The following CDK8 variants were observed in gnomAD, a reference collection of about 807,000 sequenced individuals.
CDK8 encodes the protein cyclin dependent kinase 8, also known as cyclin-dependent kinase 8.
A neutral mutation model predicts 71.5 loss-of-function variants in CDK8; 29 were observed. The ratio of observed to expected loss-of-function variants is 0.41; its 90% CI spans 0.30 to 0.55. CDK8 has a LOEUF of 0.55. CDK8 is among the 20% of genes least tolerant of loss of function. The probability of loss-of-function intolerance (pLI) is 0.37; values close to 1 mark genes in which losing one functional copy is unlikely to be tolerated. For synonymous variants in CDK8, 161 were observed against 192.1 expected (o/e 0.84, Z 1.34); for missense variants, 288 against 572.6 (o/e 0.50, Z 5.07).
intron 9 of CDK8, 97 bp from the exon 10 acceptor site, chr13:26,400,356 A>G (rs2138073644): frequency 6.7e-6 from 5 of 741,092 alleles, no homozygotes; most frequent in Middle Eastern, 4.8e-4. Context: ...CCAAATTGTG[A>G]TGTTATTCAC....
chr13:26,280,891 A>G (rs958614432), intron 1 of CDK8, among the ~76,000 whole-genome samples: 5 of 152,252 alleles, frequency 3.3e-5, no homozygotes, highest in Admixed American at 3.3e-4. Flanking sequence ...TTCTTGCTCC[A>G]GGAACCACCA....
In CDK8 at chr13:26,359,139, CAT is replaced by C. The variant is rs1278106767; in HGVS notation, c.456+5262_456+5263del. The C allele has an allele frequency of 1.7e-5, 3 of 171,926 alleles. No individual in the cohort carries two copies. In the East Asian group the frequency reaches 5.4e-4, roughly 31 times the overall value. The allele number at this position is 171,926 out of a possible 1,614,324, so 10.7% of individuals were successfully genotyped here. A position where few individuals can be genotyped will look rare whatever the true frequency, so the allele number is the denominator to read the frequency against. On this transcript the variant is annotated intron_variant, in intron 4 of 12. Coordinates refer to ENST00000381527, the MANE Select transcript of CDK8 (RefSeq NM_001260.3). ...AAGCTAGTCACAAAAGGATAAGTACCATATGATTCCACTTTCATGAGGTACCT... is the reference window on the plus strand; with the variant it reads ...AAGCTAGTCACAAAAGGATAAGTACCATGATTCCACTTTCATGAGGTACCT...
At chr13:26,366,867 A>G (rs957003559) in intron 4 of CDK8, among the ~76,000 whole-genome samples, 3 of 152,174 alleles carry the variant, frequency 2.0e-5, no homozygotes, top group Non-Finnish European at 4.4e-5. Flanking sequence ...AAATAAGATC[A>G]TTTTTTGTTT....
At chr13:26,323,482 T>C (rs139604360) in intron 1 of CDK8, among the ~76,000 whole-genome samples, 13 of 152,230 alleles carry the variant, frequency 8.5e-5, no homozygotes, top group African/African-American at 2.4e-4. Context: ...CCAAGGCCCA[T>C]ATCCAAATAC....
At chr13:26,340,655 C>T (rs947119523) in intron 2 of CDK8, among the ~76,000 whole-genome samples, 7 of 152,124 alleles carry the variant, frequency 4.6e-5, no homozygotes, top group Admixed American at 6.5e-5. Context: ...CAGCATTCAC[C>T]TCCATTAACT....
At chr13:26,264,941 G>C (rs1434474786) in intron 1 of CDK8, among the ~76,000 whole-genome samples, 1 of 152,098 alleles carries the variant, frequency 6.6e-6, no homozygotes, top group Non-Finnish European at 1.5e-5. Flanking sequence ...GTATTCCATT[G>C]TGAATATATG....
At chr13:26,344,805 A>G (rs188383619) in intron 2 of CDK8, among the ~76,000 whole-genome samples, 18 of 152,214 alleles carry the variant, frequency 1.2e-4, no homozygotes, top group African/African-American at 3.9e-4. Flanking sequence ...TCCTAGGATA[A>G]CAGTACCTTT....
At chr13:26,395,200 A>G (rs1406548313) in intron 7 of CDK8, among the ~76,000 whole-genome samples, 1 of 152,226 alleles carries the variant, frequency 6.6e-6, no homozygotes, top group Non-Finnish European at 1.5e-5. Flanking sequence ...TTTAAAAGCT[A>G]AAGGTTTTGC....
intron 1 of CDK8, among the ~76,000 whole-genome samples, chr13:26,330,333 G>A (rs1593267750): frequency 6.6e-6 from 1 of 152,090 alleles, no homozygotes; most frequent in Non-Finnish European, 1.5e-5. Context: ...GGCCTCCCTA[G>A]TAGCTGGGAC....
chr13:26,377,250 C>T (rs1250512696), intron 4 of CDK8, among the ~76,000 whole-genome samples: 1 of 152,248 alleles, frequency 6.6e-6, no homozygotes, highest in Non-Finnish European at 1.5e-5. Flanking sequence ...TGCAGGATCT[C>T]AGTGAGTCCT....
intron 4 of CDK8, among the ~76,000 whole-genome samples, chr13:26,376,815 G>A (rs1329913123): frequency 6.6e-6 from 1 of 151,994 alleles, no homozygotes; most frequent in African/African-American, 2.4e-5. Flanking sequence ...AAAAACCCTT[G>A]GGTTTTAAGG....
chr13:26,291,394 A>G (rs1430844941), intron 1 of CDK8, among the ~76,000 whole-genome samples: 1 of 152,232 alleles, frequency 6.6e-6, no homozygotes, highest in Admixed American at 6.5e-5. Context: ...ATACATATAG[A>G]AAGAGTTGTT....
intron 2 of CDK8, among the ~76,000 whole-genome samples, chr13:26,339,526 T>C (rs1205199946): frequency 6.6e-6 from 1 of 151,548 alleles, no homozygotes; most frequent in Non-Finnish European, 1.5e-5. Flanking sequence ...CTTTATTCTT[T>C]GTCAGAATTG....
chr13:26,350,890 T>C (rs2137994630), intron 3 of CDK8, among the ~76,000 whole-genome samples: 2 of 152,276 alleles, frequency 1.3e-5, no homozygotes, highest in Admixed American at 1.3e-4. Flanking sequence ...TTTAAATTGG[T>C]ATTTGAGGAA....
chr13:26,345,575 G>A (rs1000472100), intron 2 of CDK8, among the ~76,000 whole-genome samples: 3 of 152,044 alleles, frequency 2.0e-5, no homozygotes, highest in Admixed American at 6.6e-5. Context: ...TAGAGATGGG[G>A]TTTCACCATG....
chr13:26,342,871 G>A (rs1232795781), intron 2 of CDK8, among the ~76,000 whole-genome samples: 1 of 152,188 alleles, frequency 6.6e-6, no homozygotes, highest in African/African-American at 2.4e-5. Flanking sequence ...TCTTATAGTT[G>A]TGGAGGCTAG....
chr13:26,398,047 C>T (rs1876075970), intron 9 of CDK8, among the ~76,000 whole-genome samples: 1 of 152,056 alleles, frequency 6.6e-6, no homozygotes, highest in Admixed American at 6.5e-5. Context: ...ATTTGGCAAA[C>T]ATTTCTTCTG....
At chr13:26,349,865 G>A (rs955254180) in intron 3 of CDK8, among the ~76,000 whole-genome samples, 3 of 151,976 alleles carry the variant, frequency 2.0e-5, no homozygotes, top group African/African-American at 4.8e-5. Flanking sequence ...ATAGTCATGC[G>A]CCATATAATG....
chr13:26,288,569 A>G (rs903332123), intron 1 of CDK8, among the ~76,000 whole-genome samples: 4 of 151,482 alleles, frequency 2.6e-5, no homozygotes, highest in African/African-American at 9.7e-5. Flanking sequence ...GAATTTGCTT[A>G]TAAATTTCTA....
Sources: allele counts gnomAD v4.1 joint callset (sites outside exome capture counted in the v4.1 genomes callset), GRCh38; gene constraint gnomAD v4.1.1; transcripts MANE v1.5; gene names NCBI Gene and HGNC (gene_info 2026-07-23, HGNC 2026-07-21).